The following ZFP1 variants were observed in gnomAD, a reference collection of about 807,000 sequenced individuals.
ZFP1 encodes zinc finger protein 1 homolog.
ZFP1 carries 32 observed loss-of-function variants against 38.5 expected under a neutral mutation model. The observed-to-expected ratio is 0.83, with a 90% CI of 0.63 to 1.12. The LOEUF (loss-of-function observed/expected upper bound fraction) is 1.12. Ranked by LOEUF, ZFP1 falls within the 50% of genes most tolerant of loss-of-function variation. The probability of loss-of-function intolerance (pLI) is 0.00; values close to 1 mark genes in which losing one functional copy is unlikely to be tolerated. For missense variants in ZFP1, 616 were observed against 480.8 expected (o/e 1.28, Z -2.63); for synonymous variants, 245 against 168.8 (o/e 1.45, Z -3.50).
At chr16:75,138,095 G>T in the ZFP1 span, among the ~76,000 whole-genome samples, 11 of 125,290 alleles carry the variant, frequency 8.8e-5, no homozygotes, top group South Asian at 1.0e-3. Flanking sequence ...GGAGTGCAGT[G>T]GTGTGATCTT....
At chr16:75,162,969 GCA>G (rs1047666393) in intron 2 of ZFP1, among the ~76,000 whole-genome samples, 23 of 151,738 alleles carry the variant, frequency 1.5e-4, no homozygotes, top group Admixed American at 1.5e-3. Flanking sequence ...GAGTGCAGTG[GCA>G]CAGTCTTGGC....
At position 75,169,391 on chromosome 16, in the gene ZFP1, C is replaced by G. The variant is rs763095516; in HGVS notation, c.281C>G (p.Thr94Arg). 4 of 1,614,126 alleles carry G rather than the reference C, an allele frequency of 2.5e-6. No homozygotes were observed. Among genetic ancestry groups the G allele is most frequent in the Non-Finnish European group, 3.4e-6 (4 of 1,180,020 alleles). Residue 94 changes from threonine (T) to arginine (R), a missense_variant, in exon 4 of 4, where the codon ACA (threonine) becomes AGA (arginine). By Grantham distance (71) the Thr-to-Arg change is moderately conservative. Transcript: ENST00000570010. Reference sequence around the variant, plus strand: ...TTTGGAAAAGCACTTAATCTGAACACAGACTTTGTTTCTTTAAGACAAGTA... The same window carrying G: ...TTTGGAAAAGCACTTAATCTGAACAGAGACTTTGTTTCTTTAAGACAAGTA... Reference protein sequence around the residue: ...DLFGKALNLNTDFVSLRQVPY... With the variant: ...DLFGKALNLNRDFVSLRQVPY...
chr16:75,139,912 C>G, the ZFP1 span, among the ~76,000 whole-genome samples: 1 of 152,158 alleles, frequency 6.6e-6, no homozygotes, highest in Admixed American at 6.5e-5. Context: ...TACCTCTGAA[C>G]TGTACACTTG....
intron 1 of ZFP1, among the ~76,000 whole-genome samples, chr16:75,150,632 T>A (rs1169576091): frequency 6.6e-6 from 1 of 152,184 alleles, no homozygotes; most frequent in East Asian, 1.9e-4. Context: ...TGTATTTTTG[T>A]TTCATTTTGT....
chr16:75,153,114 T>C (rs1045838808), intron 2 of ZFP1, 148 bp downstream of exon 2: 17 of 1,052,646 alleles, frequency 1.6e-5, no homozygotes, highest in African/African-American at 6.5e-5. Context: ...AAAAAGCAAA[T>C]TGAGTTAATT....
At chr16:75,131,393 A>G in the ZFP1 span, among the ~76,000 whole-genome samples, 1 of 152,144 alleles carries the variant, frequency 6.6e-6, no homozygotes, top group Non-Finnish European at 1.5e-5. Flanking sequence ...GGCAGAGCTC[A>G]GGACCATCCT....
the ZFP1 span, among the ~76,000 whole-genome samples, chr16:75,124,954 G>A: frequency 1.4e-5 from 2 of 147,068 alleles, no homozygotes. Context: ...AAAGTAAAAT[G>A]GCTGGTAGTT....
chr16:75,132,329 C>T, the ZFP1 span, among the ~76,000 whole-genome samples: 69 of 149,942 alleles, frequency 4.6e-4, no homozygotes, highest in Non-Finnish European at 1.5e-4. Context: ...GCAGAGTTTG[C>T]AGTGAGACAA....
At chr16:75,133,224 G>T in the ZFP1 span, among the ~76,000 whole-genome samples, 2 of 152,178 alleles carry the variant, frequency 1.3e-5, no homozygotes, top group East Asian at 3.9e-4. Flanking sequence ...TGATCTGCCC[G>T]CTTTGGCCTC....
chr16:75,145,015 A>G (rs748674284), upstream of ZFP1, among the ~76,000 whole-genome samples: 2 of 152,118 alleles, frequency 1.3e-5, no homozygotes, highest in South Asian at 2.1e-4. Flanking sequence ...CACTTAGTGT[A>G]TTTTCAAGTT....
the ZFP1 span, among the ~76,000 whole-genome samples, chr16:75,141,582 A>G: frequency 6.6e-6 from 1 of 151,982 alleles, no homozygotes. Flanking sequence ...GGCACATAGC[A>G]CTTACTCCAA....
chr16:75,167,438 AC>A lies in ZFP1; in HGVS notation c.142+543del, dbSNP rs367948588. Among the ~76,000 whole-genome samples the A allele has an allele frequency of 1.7e-3, 252 of 150,316 alleles. 2 individuals are homozygous for A. Among genetic ancestry groups the A allele is most frequent in the South Asian group, 4.6e-3 (22 of 4,772 alleles). On this transcript the variant is annotated intron_variant, in intron 3 of 3. Coordinates refer to ENST00000570010, the MANE Select transcript of ZFP1 (RefSeq NM_153688.4). Reference sequence around the variant, plus strand: ...TTAATCTTATAGATATTTGCCTCTCACACTTGAACCCTGAAACTTTCCTAAC... The same window carrying A: ...TTAATCTTATAGATATTTGCCTCTCAACTTGAACCCTGAAACTTTCCTAAC...
chr16:75,148,234 G>C (rs1177788937), upstream of ZFP1, among the ~76,000 whole-genome samples: 1 of 152,176 alleles, frequency 6.6e-6, no homozygotes, highest in Non-Finnish European at 1.5e-5. Flanking sequence ...TAGATTATTT[G>C]TGTAATGTTT....
At chr16:75,152,756 A>G (rs1192152766) in intron 1 of ZFP1, among the ~76,000 whole-genome samples, 153 bp from the exon 2 acceptor site, 1 of 152,180 alleles carries the variant, frequency 6.6e-6, no homozygotes, top group Non-Finnish European at 1.5e-5. Flanking sequence ...TGTTAGTATG[A>G]TCTTTTCTGC....
At chr16:75,151,179 C>CTTT (rs113479963) in intron 1 of ZFP1, among the ~76,000 whole-genome samples, 21 of 145,894 alleles carry the variant, frequency 1.4e-4, no homozygotes, top group African/African-American at 5.0e-4. Context: ...ATTCTTTTAT[C>CTTT]TTTTTTTTTT....
At chr16:75,153,695 A>G (rs2037324478) in intron 2 of ZFP1, among the ~76,000 whole-genome samples, 1 of 152,150 alleles carries the variant, frequency 6.6e-6, no homozygotes, top group Non-Finnish European at 1.5e-5. Flanking sequence ...ATGAGCCAAT[A>G]TTGATACTTT....
chr16:75,154,131 G>T lies in ZFP1; in HGVS notation c.15+1165G>T, dbSNP rs1241464366. Among the ~76,000 whole-genome samples the T allele has an allele frequency of 2.6e-5, 4 of 152,214 alleles. No homozygotes were observed. In the East Asian group the frequency reaches 7.7e-4, roughly 29 times the overall value. The stretch of plus-strand genomic sequence containing the variant: ...CCCAGCTACTCGGGAGGCTGAGGCA[G>T]GAGAATGGCGTGAAGCCAGGAGGCG... On this transcript the variant is annotated intron_variant, in intron 2 of 3. Transcript: ENST00000570010.
At chr16:75,168,547 G>GAAA (rs34594499) in intron 3 of ZFP1, among the ~76,000 whole-genome samples, 60 of 149,214 alleles carry the variant, frequency 4.0e-4, no homozygotes, top group Middle Eastern at 3.5e-3. Context: ...AACTTCAGTA[G>GAAA]AAAAAAAAAA....
intron 2 of ZFP1, among the ~76,000 whole-genome samples, chr16:75,161,776 T>A (rs866991786): frequency 0.011 from 47 of 4,426 alleles, no homozygotes; most frequent in Non-Finnish European, 0.013. Context: ...ATATATATAT[T>A]TTTTTTTTTT....
Sources: allele counts gnomAD v4.1 joint callset (sites outside exome capture counted in the v4.1 genomes callset), GRCh38; gene constraint gnomAD v4.1.1; transcripts MANE v1.5; gene names NCBI Gene and HGNC (gene_info 2026-07-23, HGNC 2026-07-21).